Variants in CNOT1 observed in about 807,000 individuals in gnomAD.
The protein encoded by CNOT1 is CCR4-associated factor 1.
A neutral mutation model predicts 273.8 loss-of-function variants in CNOT1; 15 were observed. That is an observed-to-expected ratio of 0.05 (90% CI 0.04 to 0.08). CNOT1 has a LOEUF of 0.08. Among genes scored for constraint, CNOT1 ranks in the 10% least tolerant of loss-of-function variants. CNOT1 has a pLI of 1.00. For missense variants in CNOT1, 1,644 were observed against 2,912.2 expected (o/e 0.56, Z 10.02); for synonymous variants, 1,022 against 1,005.5 (o/e 1.02, Z -0.31).
intron 44 of CNOT1, chr16:58,527,998 AGCTAC>A: frequency 5.6e-6 from 2 of 354,348 alleles, no homozygotes; most frequent in East Asian, 8.2e-5. Context: ...CTGTAATCCC[AGCTAC>A]TTGGGAGGCT....
chr16:58,522,374 C>T (rs2039426044), intron 47 of CNOT1, among the ~76,000 whole-genome samples: 1 of 150,190 alleles, frequency 6.7e-6, no homozygotes, highest in African/African-American at 2.4e-5. Flanking sequence ...TGAAGCATAA[C>T]AAAGATTACA....
intron 2 of CNOT1, among the ~76,000 whole-genome samples, chr16:58,596,887 CAAAAAAAAAAAAA>C (rs58567423): frequency 4.5e-3 from 312 of 69,988 alleles, no homozygotes; most frequent in Admixed American, 6.1e-3. Flanking sequence ...GACTCCGTCT[CAAAAAAAAAAAAA>C]AAAAAAAAAA....
chr16:58,617,773 A>G (rs2043145389), intron 1 of CNOT1, among the ~76,000 whole-genome samples: 1 of 152,166 alleles, frequency 6.6e-6, no homozygotes, highest in African/African-American at 2.4e-5. Flanking sequence ...TGGGAGGCTG[A>G]GTCAGGAGGA....
chr16:58,548,459 C>A, intron 25 of CNOT1: 1 of 496,572 alleles, frequency 2.0e-6, no homozygotes. Flanking sequence ...TTTATGTATC[C>A]CAACCACCCT....
chr16:58,574,880 A>T lies in CNOT1; in HGVS notation c.1828-120T>A, dbSNP rs1386809757. 12 of 1,559,750 alleles carry T rather than the reference A, an allele frequency of 7.7e-6. No homozygotes were observed. In the Admixed American group the frequency reaches 1.1e-4, roughly 14 times the overall value. On this transcript the variant is annotated intron_variant, in intron 15 of 48. Coordinates refer to ENST00000317147, the MANE Select transcript of CNOT1 (RefSeq NM_016284.5). ...ATAAGTAACATCTTCATTGCCATTT[A>T]AAAAAGTTGTTTCTTTCAAATTTTT... is the stretch of plus-strand genomic sequence containing the variant.
Position 58,520,693 on chromosome 16 carries a change from G to T in CNOT1, c.*265C>A. On this transcript the variant is annotated 3_prime_UTR_variant, in exon 49 of 49. Coordinates refer to ENST00000317147, the MANE Select transcript of CNOT1 (RefSeq NM_016284.5). ...ACAAAGCCAAGAAGTTCCAGACAAA[G>T]GTTTTCTCTTTCATGTATTTACACA... 1 of 474,568 alleles carries T rather than the reference G, an allele frequency of 2.1e-6. No individual in the cohort carries two copies. The highest frequency in any genetic ancestry group is 2.6e-5 in the South Asian group (1 of 38,930). 29.4% of individuals were successfully genotyped at this position (474,568 alleles called of 1,614,324 possible).
intron 1 of CNOT1, among the ~76,000 whole-genome samples, chr16:58,611,746 G>A (rs1029770004): frequency 1.3e-5 from 2 of 151,212 alleles, no homozygotes; most frequent in South Asian, 2.1e-4. Context: ...GCATGAACCC[G>A]TGAAGCAGAG....
At chr16:58,614,002 G>A (rs1324834460) in intron 1 of CNOT1, among the ~76,000 whole-genome samples, 1 of 114,140 alleles carries the variant, frequency 8.8e-6, no homozygotes, top group Admixed American at 9.0e-5. Flanking sequence ...TGAGGCAGGA[G>A]AATGGCGTGA....
chr16:58,544,270 T>C (rs1253009736), intron 30 of CNOT1, among the ~76,000 whole-genome samples: 1 of 152,130 alleles, frequency 6.6e-6, no homozygotes, highest in Non-Finnish European at 1.5e-5. Flanking sequence ...GTAAAAAGAA[T>C]AAAGTTTATA....
intron 22 of CNOT1, 123 bp downstream of exon 22, chr16:58,553,659 A>G (rs2040531026): frequency 7.2e-6 from 9 of 1,242,472 alleles, no homozygotes; most frequent in South Asian, 4.0e-5. Flanking sequence ...ATGTGTACCT[A>G]TATCATGCCA....
chr16:58,566,308 T>C (rs1444249473), intron 16 of CNOT1, among the ~76,000 whole-genome samples: 1 of 152,242 alleles, frequency 6.6e-6, no homozygotes, highest in Non-Finnish European at 1.5e-5. Context: ...TTGAAATAAC[T>C]TTCCTTCTCT....
chr16:58,543,317 A>G, intron 31 of CNOT1: 2 of 1,548,884 alleles, frequency 1.3e-6, no homozygotes, highest in Non-Finnish European at 1.7e-6. Flanking sequence ...TGAGATTGTC[A>G]GATATCACAT....
chr16:58,622,052 C>A, intron 1 of CNOT1, among the ~76,000 whole-genome samples: 1 of 150,664 alleles, frequency 6.6e-6, no homozygotes, highest in East Asian at 2.0e-4. Flanking sequence ...GTGGCTCACA[C>A]CTGTAATCCC....
chr16:58,605,008 C>T (rs1176510065), intron 1 of CNOT1, among the ~76,000 whole-genome samples: 1 of 149,812 alleles, frequency 6.7e-6, no homozygotes, highest in Non-Finnish European at 1.5e-5. Flanking sequence ...TGGTGGTGGG[C>T]GCCTGTAGTC....
At chr16:58,568,464 T>TC (rs2041142542) in intron 16 of CNOT1, among the ~76,000 whole-genome samples, 2 of 151,830 alleles carry the variant, frequency 1.3e-5, no homozygotes, top group Non-Finnish European at 1.5e-5. Context: ...GGCAGGCAGA[T>TC]CACGAGGTCA....
At chr16:58,605,121 G>A (rs1395516363) in intron 1 of CNOT1, among the ~76,000 whole-genome samples, 2 of 152,100 alleles carry the variant, frequency 1.3e-5, no homozygotes, top group African/African-American at 4.8e-5. Flanking sequence ...AGGCGACAGA[G>A]CAAGACTCCG....
In CNOT1 at chr16:58,580,707, G is replaced by C. The variant is rs1319352088; in HGVS notation, c.1269C>G (p.Asp423Glu). The C allele has an allele frequency of 6.2e-7, 1 of 1,613,456 alleles. No homozygotes were observed. Among genetic ancestry groups the C allele is most frequent in the Admixed American group, 1.7e-5 (1 of 59,944 alleles). Residue 423 changes from aspartate to glutamate, a missense_variant, in exon 12 of 49, where the codon GAC becomes GAG. By Grantham distance (45) the Asp-to-Glu change is conservative. Transcript: ENST00000317147. ...LINPEIFCFA[D>E]YPCHTVATDI... The stretch of plus-strand genomic sequence containing the variant: ...CAGTGGCAACAGTATGACAGGGATA[G>C]TCAGCAAAACAGAAGATCTCTGGAT...
chr16:58,575,781 GA>G (rs2041439168), intron 14 of CNOT1, among the ~76,000 whole-genome samples: 1 of 148,840 alleles, frequency 6.7e-6, no homozygotes. Context: ...CTGGGCGACA[GA>G]GTAAGATTCT....
intron 21 of CNOT1, 100 bp downstream of exon 21, chr16:58,555,151 T>C: frequency 1.1e-5 from 16 of 1,512,226 alleles, no homozygotes; most frequent in Non-Finnish European, 1.4e-5. Context: ...AAGGCTGCAG[T>C]GAGCCGAGAT....
Sources: gnomAD v4.1 joint callset for allele counts (sites outside exome capture counted in the v4.1 genomes callset) on GRCh38, gnomAD v4.1.1 for gene constraint, MANE v1.5 for transcripts, NCBI Gene and HGNC (gene_info 2026-07-23, HGNC 2026-07-21) for gene names.